Variants in KATNAL1 observed in about 807,000 individuals in gnomAD.
KATNAL1 encodes katanin catalytic subunit A1 like 1, also known as katanin p60 ATPase-containing subunit A-like 1.
In KATNAL1, 32 loss-of-function variants were observed where a neutral mutation model predicts 55.2. That is an observed-to-expected ratio of 0.58 (90% CI 0.44 to 0.78). The LOEUF (loss-of-function observed/expected upper bound fraction) is 0.78. Among genes scored for constraint, KATNAL1 ranks in the 30% least tolerant of loss-of-function variants. The pLI, the probability that KATNAL1 is intolerant of heterozygous loss-of-function variation, is 0.00. For missense variants in KATNAL1, 466 were observed against 600.9 expected (o/e 0.78, Z 2.35); for synonymous variants, 193 against 193.6 (o/e 1.00, Z 0.02).
intron 8 of KATNAL1, among the ~76,000 whole-genome samples, chr13:30,230,228 C>A (rs532096438): frequency 6.6e-6 from 1 of 152,292 alleles, no homozygotes; most frequent in African/African-American, 2.4e-5. Context: ...TTGCTCCAAA[C>A]AGTAAGCTCC....
chr13:30,297,204 T>C (rs1379002145), intron 1 of KATNAL1, among the ~76,000 whole-genome samples: 1 of 119,914 alleles, frequency 8.3e-6, no homozygotes, highest in Non-Finnish European at 1.8e-5. Context: ...TGAGGAGGAG[T>C]AGGAAGAGAG....
intron 1 of KATNAL1, among the ~76,000 whole-genome samples, chr13:30,304,215 T>C (rs1167757261): frequency 6.6e-6 from 1 of 151,708 alleles, no homozygotes; most frequent in Admixed American, 6.6e-5. Context: ...CCTCTATGCC[T>C]CCTAACTAGG....
At chr13:30,286,384 A>G (rs1881790565) in intron 1 of KATNAL1, among the ~76,000 whole-genome samples, 1 of 152,228 alleles carries the variant, frequency 6.6e-6, no homozygotes, top group Non-Finnish European at 1.5e-5. Context: ...CACTCCAGCC[A>G]TGGCTAAAAG....
chr13:30,221,959 G>A (rs1874907978), intron 9 of KATNAL1, among the ~76,000 whole-genome samples: 1 of 152,156 alleles, frequency 6.6e-6, no homozygotes, highest in Admixed American at 6.5e-5. Flanking sequence ...CCTGAGGCAG[G>A]AGAATCCCTT....
intron 6 of KATNAL1, among the ~76,000 whole-genome samples, chr13:30,235,695 C>T (rs1186290529): frequency 6.6e-6 from 1 of 152,228 alleles, no homozygotes; most frequent in African/African-American, 2.4e-5. Flanking sequence ...TTCTAGATCT[C>T]GCCCTGTAAG....
chr13:30,217,370 C>T (rs1334893089), intron 9 of KATNAL1, among the ~76,000 whole-genome samples: 1 of 152,084 alleles, frequency 6.6e-6, no homozygotes, highest in East Asian at 1.9e-4. Context: ...AGGAGAATGG[C>T]GTGAACTCAG....
chr13:30,243,608 C>CAAAAAAAAAAAAAAAAAAAAAAAA (rs139687662), intron 4 of KATNAL1, among the ~76,000 whole-genome samples: 1 of 86,466 alleles, frequency 1.2e-5, no homozygotes. Context: ...GGTATTAAGC[C>CAAAAAAAAAAAAAAAAAAAAAAAA]AAAAAAAAAA....
rs1309088785 is a variant in KATNAL1, at chr13:30,213,807, AGCC to A, written c.1148-3368_1148-3366del. Among the ~76,000 whole-genome samples the A allele has an allele frequency of 1.8e-4, 28 of 152,388 alleles. No individual in the cohort carries two copies. The East Asian group carries it at 5.0e-3, about 27-fold the overall frequency. On this transcript the variant is annotated intron_variant, in intron 9 of 10. Coordinates refer to ENST00000380615, the MANE Select transcript of KATNAL1 (RefSeq NM_032116.5). ...TAAGAGCTACCTATGACAAACTCAC[AGCC>A]AATATCATATTGAATGGGCAAAAAC...
chr13:30,241,802 C>T (rs1877306509), intron 4 of KATNAL1, among the ~76,000 whole-genome samples: 1 of 152,198 alleles, frequency 6.6e-6, no homozygotes, highest in South Asian at 2.1e-4. Flanking sequence ...AGTCAAAAGG[C>T]TCAATCATAA....
At chr13:30,237,412 CAG>C (rs1271316166) in intron 6 of KATNAL1, among the ~76,000 whole-genome samples, 3 of 152,128 alleles carry the variant, frequency 2.0e-5, no homozygotes, top group Non-Finnish European at 4.4e-5. Context: ...GATAGATGAA[CAG>C]AGTCTCAATG....
rs1267927418 is a variant in KATNAL1 at position 30,204,050 on chromosome 13, T to C, written c.*4490A>G. On this transcript the variant is annotated 3_prime_UTR_variant, in exon 11 of 11. Coordinates refer to ENST00000380615, the MANE Select transcript of KATNAL1 (RefSeq NM_032116.5). ...TTACCCCCCTAACATGTCCCCTAAG[T>C]ATAATTTCTGCTTTTTCCTATTGTG... 2 of 151,914 alleles carry C rather than the reference T, an allele frequency of 1.3e-5. No individual in the cohort carries two copies. Among genetic ancestry groups the C allele is most frequent in the African/African-American group, 4.9e-5 (2 of 41,170 alleles). The allele number at this position is 151,914 out of a possible 1,614,324, so 9.4% of individuals were successfully genotyped here. A position where few individuals can be genotyped will look rare whatever the true frequency, so the allele number is the denominator to read the frequency against.
At chr13:30,252,110 T>C (rs17803384) in intron 4 of KATNAL1, among the ~76,000 whole-genome samples, 16,432 of 152,210 alleles carry the variant, frequency 0.11, 1,141 homozygotes, top group Non-Finnish European at 0.16. Context: ...GTATTACACA[T>C]AGACAAGGTT....
intron 1 of KATNAL1, among the ~76,000 whole-genome samples, chr13:30,292,207 G>A (rs1882179900): frequency 6.6e-6 from 1 of 152,118 alleles, no homozygotes; most frequent in African/African-American, 2.4e-5. Flanking sequence ...ATTTTTTCCA[G>A]CAAAAGGGTC....
Position 30,241,090 on chromosome 13 carries a change from G to C in KATNAL1, c.493-4C>G, listed in dbSNP as rs186809381. 6.2e-7 allele frequency: 1 copy of C among 1,610,206 alleles called. No homozygotes were observed. The highest frequency in any genetic ancestry group is 2.2e-5 in the East Asian group (1 of 44,798). ...CATCTTGCATATTCTTCCTTCCCTG[G>C]GGATAGGTATAAAAAAAAAGTACTA... On this transcript the variant is annotated splice_polypyrimidine_tract_variant and splice_region_variant and intron_variant, in intron 4 of 10. Transcript: ENST00000380615.
intron 3 of KATNAL1, among the ~76,000 whole-genome samples, chr13:30,266,225 C>T (rs939188499): frequency 1.3e-5 from 2 of 151,958 alleles, no homozygotes; most frequent in South Asian, 2.1e-4. Flanking sequence ...TGGTCTTGAA[C>T]TCCTGTCCTC....
At chr13:30,242,803 C>CA (rs899143644) in intron 4 of KATNAL1, among the ~76,000 whole-genome samples, 1 of 151,462 alleles carries the variant, frequency 6.6e-6, no homozygotes, top group African/African-American at 2.4e-5. Flanking sequence ...TCGAGGACTA[C>CA]AAAAAAGATT....
In KATNAL1 at chr13:30,208,367, G is replaced by A. The variant is rs112246249; in HGVS notation, c.*173C>T. The stretch of plus-strand genomic sequence containing the variant: ...CGGGGAGGGAGACTAGCAAACTCTC[G>A]CCATCAATTATTTCTCAACTACATT... On this transcript the variant is annotated 3_prime_UTR_variant, in exon 11 of 11. Transcript: ENST00000380615. 12 of 555,840 alleles carry A rather than the reference G, an allele frequency of 2.2e-5. No homozygotes were observed. The highest frequency in any genetic ancestry group is 1.3e-4 in the African/African-American group (7 of 52,334). 34.4% of individuals were successfully genotyped at this position (555,840 alleles called of 1,614,324 possible). A position where few individuals can be genotyped will look rare whatever the true frequency, so the allele number is the denominator to read the frequency against.
chr13:30,211,148 G>A (rs1280668997), intron 9 of KATNAL1, among the ~76,000 whole-genome samples: 1 of 151,998 alleles, frequency 6.6e-6, no homozygotes, highest in African/African-American at 2.4e-5. Flanking sequence ...TTTATCTGGC[G>A]CTCTACTATT....
In KATNAL1 at chr13:30,258,646, A is replaced by C. The variant is rs148119206; in HGVS notation, c.324-3031T>G. 3.7e-4 allele frequency among the ~76,000 whole-genome samples: 56 copies of C among 152,304 alleles called. No individual in the cohort carries two copies. The East Asian group carries it at 0.011, about 29-fold the overall frequency. On this transcript the variant is annotated intron_variant, in intron 3 of 10. Coordinates refer to ENST00000380615, the MANE Select transcript of KATNAL1 (RefSeq NM_032116.5). Reference sequence around the variant, plus strand: ...CTTTGCCTACCGCAAGATCATGATGATATCCCTCCCATGTTTTCTTCTAGA... The same window carrying C: ...CTTTGCCTACCGCAAGATCATGATGCTATCCCTCCCATGTTTTCTTCTAGA...
Sources: gnomAD v4.1 joint callset for allele counts (sites outside exome capture counted in the v4.1 genomes callset) on GRCh38, gnomAD v4.1.1 for gene constraint, MANE v1.5 for transcripts, NCBI Gene and HGNC (gene_info 2026-07-23, HGNC 2026-07-21) for gene names.